PIK3R3: variants seen among roughly 807,000 people sequenced by gnomAD.
PIK3R3 encodes the protein phosphoinositide-3-kinase regulatory subunit 3.
PIK3R3 carries 64 observed loss-of-function variants against 62.9 expected under a neutral mutation model. The observed-to-expected ratio is 1.02, with a 90% CI of 0.83 to 1.25. The LOEUF is 1.25. Among genes scored for constraint, PIK3R3 ranks in the 50% most tolerant of loss-of-function variants. The pLI, the probability that PIK3R3 is intolerant of heterozygous loss-of-function variation, is 0.00. For synonymous variants in PIK3R3, 165 were observed against 189.0 expected (o/e 0.87, Z 1.04); for missense variants, 614 against 561.6 (o/e 1.09, Z -0.94).
At chr1:46,159,088 AAAAT>A in the PIK3R3 span, among the ~76,000 whole-genome samples, 111 of 148,490 alleles carry the variant, frequency 7.5e-4, no homozygotes, top group Non-Finnish European at 1.1e-3. Flanking sequence ...CTCCATCTCA[AAAAT>A]AAATAAATAA....
intron 1 of PIK3R3, chr1:46,104,925 CAA>C (rs757829828): frequency 0.098 from 18,573 of 190,086 alleles, 5 homozygotes; most frequent in Middle Eastern, 0.12. Context: ...AAGACTCCAT[CAA>C]AAAAAAAAAA....
At chr1:46,150,184 C>T in the PIK3R3 span, among the ~76,000 whole-genome samples, 1 of 152,198 alleles carries the variant, frequency 6.6e-6, no homozygotes. Context: ...GACAAAATCC[C>T]CCGTCTATGT....
At chr1:46,122,662 C>T (rs547548842) in intron 1 of PIK3R3, among the ~76,000 whole-genome samples, 3 of 152,256 alleles carry the variant, frequency 2.0e-5, no homozygotes, top group Non-Finnish European at 4.4e-5. Context: ...GCCACCGCGC[C>T]CGGCCTATTC....
At chr1:46,074,591 C>T (rs956479698) in intron 3 of PIK3R3, among the ~76,000 whole-genome samples, 2 of 150,482 alleles carry the variant, frequency 1.3e-5, no homozygotes, top group African/African-American at 4.9e-5. Context: ...CATCCTCTGG[C>T]TTAGCAGCTG....
chr1:46,130,245 G>A (rs1283992378), intron 1 of PIK3R3, among the ~76,000 whole-genome samples: 1 of 152,082 alleles, frequency 6.6e-6, no homozygotes, highest in Non-Finnish European at 1.5e-5. Context: ...CTTATAACAG[G>A]AATCTAGAAT....
chr1:46,072,368 A>T (rs809775), intron 3 of PIK3R3, among the ~76,000 whole-genome samples: 69,682 of 152,078 alleles, frequency 0.46, 16,117 homozygotes, highest in East Asian at 0.62. Flanking sequence ...GCCTAGCTCA[A>T]CTGTCATTTC....
At chr1:46,067,428 G>T (rs946216300) in intron 3 of PIK3R3, among the ~76,000 whole-genome samples, 4 of 151,454 alleles carry the variant, frequency 2.6e-5, no homozygotes, top group African/African-American at 9.7e-5. Context: ...TATTCTGAAT[G>T]AATTTTCAAA....
At chr1:46,162,690 C>T in the PIK3R3 span, among the ~76,000 whole-genome samples, 1 of 152,052 alleles carries the variant, frequency 6.6e-6, no homozygotes, top group South Asian at 2.1e-4. Flanking sequence ...GACACAATCT[C>T]GACTCACTGC....
At chr1:46,086,974 A>G (rs902023097) in intron 1 of PIK3R3, among the ~76,000 whole-genome samples, 3 of 152,028 alleles carry the variant, frequency 2.0e-5, no homozygotes, top group African/African-American at 7.2e-5. Flanking sequence ...CCATGTCCCT[A>G]CAAAGGACAT....
chr1:46,083,573 T>A (rs891413257), intron 1 of PIK3R3, among the ~76,000 whole-genome samples: 4 of 152,166 alleles, frequency 2.6e-5, no homozygotes, highest in Non-Finnish European at 5.9e-5. Flanking sequence ...CATAAAAGAA[T>A]CCTTTCAATT....
chr1:46,089,801 G>A (rs1167617856), intron 1 of PIK3R3, among the ~76,000 whole-genome samples: 1 of 151,794 alleles, frequency 6.6e-6, no homozygotes, highest in African/African-American at 2.4e-5. Context: ...TGTAAATATT[G>A]GAAGATAATT....
At chr1:46,053,401 A>G (rs1284440335) in intron 7 of PIK3R3, among the ~76,000 whole-genome samples, 2 of 152,158 alleles carry the variant, frequency 1.3e-5, no homozygotes, top group East Asian at 1.9e-4. Flanking sequence ...CACATGCTAT[A>G]TAGTCTGAAT....
chr1:46,096,214 A>C (rs1468839461), intron 1 of PIK3R3, among the ~76,000 whole-genome samples: 11 of 152,238 alleles, frequency 7.2e-5, no homozygotes, highest in Admixed American at 7.2e-4. Flanking sequence ...ACACAGATGA[A>C]ATTAAACTTT....
At chr1:46,111,498 G>T (rs191600638) in intron 1 of PIK3R3, among the ~76,000 whole-genome samples, 5 of 152,198 alleles carry the variant, frequency 3.3e-5, no homozygotes, top group African/African-American at 9.6e-5. Flanking sequence ...GACTGAGGCG[G>T]GCAGATCACT....
At chr1:46,119,701 C>G (rs576749407) in intron 1 of PIK3R3, among the ~76,000 whole-genome samples, 73 of 151,722 alleles carry the variant, frequency 4.8e-4, no homozygotes, top group African/African-American at 1.7e-3. Context: ...AACTCTTGGT[C>G]TCAAGCAAAA....
chr1:46,087,592 C>CTTTT lies in PIK3R3; in HGVS notation c.107-6846_107-6843dup, dbSNP rs35296719. Reference sequence around the variant, plus strand: ...GTTACCCAATGAAAAACATATTCATCTTTTTTTTTTTTTTTTTTTTTTGGT... The same window carrying CTTTT: ...GTTACCCAATGAAAAACATATTCATCTTTTTTTTTTTTTTTTTTTTTTTTTTGGT... On this transcript the variant is annotated intron_variant, in intron 1 of 9. Coordinates refer to ENST00000262741, the MANE Select transcript of PIK3R3 (RefSeq NM_003629.4). Among the ~76,000 whole-genome samples, 87 of 100,312 alleles carry CTTTT rather than the reference C, an allele frequency of 8.7e-4. 2 individuals are homozygous for CTTTT. Among genetic ancestry groups the CTTTT allele is most frequent in the Non-Finnish European group, 1.1e-3 (56 of 51,770 alleles). 65.8% of individuals were successfully genotyped at this position (100,312 alleles called of 152,430 possible). A position where few individuals can be genotyped will look rare whatever the true frequency, so the allele number is the denominator to read the frequency against.
At chr1:46,065,538 G>A (rs2149395540) in intron 5 of PIK3R3, among the ~76,000 whole-genome samples, 1 of 152,324 alleles carries the variant, frequency 6.6e-6, no homozygotes, top group East Asian at 1.9e-4. Context: ...GTGACCTGTA[G>A]CTAGGTATGC....
chr1:46,085,272 C>T (rs1244900907), intron 1 of PIK3R3, among the ~76,000 whole-genome samples: 2 of 152,236 alleles, frequency 1.3e-5, no homozygotes, highest in African/African-American at 4.8e-5. Context: ...TCACTCCACA[C>T]ATACATAGGC....
intron 1 of PIK3R3, among the ~76,000 whole-genome samples, chr1:46,099,258 A>G (rs1652431524): frequency 6.6e-6 from 1 of 152,232 alleles, no homozygotes; most frequent in Non-Finnish European, 1.5e-5. Flanking sequence ...ACAAAAATAC[A>G]TACACAAAGA....
Sources: gnomAD v4.1 joint callset for allele counts (sites outside exome capture counted in the v4.1 genomes callset) on GRCh38, gnomAD v4.1.1 for gene constraint, MANE v1.5 for transcripts, NCBI Gene and HGNC (gene_info 2026-07-23, HGNC 2026-07-21) for gene names.